Variants in EPB41L4A observed in about 807,000 individuals in gnomAD.
The protein encoded by EPB41L4A is band 4.1-like protein 4A.
EPB41L4A carries 100 observed loss-of-function variants against 108.6 expected under a neutral mutation model. The observed-to-expected ratio is 0.92, with a 90% CI of 0.78 to 1.09. EPB41L4A has a LOEUF of 1.09. EPB41L4A is among the 50% of genes least tolerant of loss of function. The pLI is 0.00. For missense variants in EPB41L4A, 1,030 were observed against 842.7 expected (o/e 1.22, Z -2.75); for synonymous variants, 319 against 289.0 (o/e 1.10, Z -1.05).
chr5:112,205,690 C>G (rs985008004), intron 13 of EPB41L4A, among the ~76,000 whole-genome samples, 186 bp from the exon 14 acceptor site: 1 of 152,106 alleles, frequency 6.6e-6, no homozygotes, highest in African/African-American at 2.4e-5. Flanking sequence ...CAGCAAGTAC[C>G]TTTGGGTCTT....
intron 12 of EPB41L4A, among the ~76,000 whole-genome samples, chr5:112,214,437 A>C (rs1453049804): frequency 6.6e-6 from 1 of 152,250 alleles, no homozygotes; most frequent in African/African-American, 2.4e-5. Flanking sequence ...ACAAATAATC[A>C]TACAGTAAAC....
intron 3 of EPB41L4A, among the ~76,000 whole-genome samples, chr5:112,279,969 CT>C (rs5870491): frequency 0.35 from 52,514 of 151,892 alleles, 9,692 homozygotes; most frequent in African/African-American, 0.47. Flanking sequence ...GTCTATTTGC[CT>C]TTTTTGTTTT....
intron 1 of EPB41L4A, among the ~76,000 whole-genome samples, chr5:112,316,779 T>A (rs1026299068): frequency 6.6e-6 from 1 of 152,160 alleles, no homozygotes; most frequent in Non-Finnish European, 1.5e-5. Flanking sequence ...AGACAGCTGG[T>A]ATCAGCTCCA....
At chr5:112,276,972 G>C (rs1362562675) in intron 3 of EPB41L4A, among the ~76,000 whole-genome samples, 1 of 152,250 alleles carries the variant, frequency 6.6e-6, no homozygotes, top group East Asian at 1.9e-4. Flanking sequence ...TATTGGAGTT[G>C]ATTCCTTATG....
At chr5:112,181,229 A>C (rs551469988) in intron 18 of EPB41L4A, among the ~76,000 whole-genome samples, 1 of 152,182 alleles carries the variant, frequency 6.6e-6, no homozygotes, top group African/African-American at 2.4e-5. Flanking sequence ...AGGCGGGCGG[A>C]TCACGAGGTC....
intron 22 of EPB41L4A, among the ~76,000 whole-genome samples, chr5:112,167,912 A>C (rs1202162051): frequency 6.6e-6 from 1 of 152,234 alleles, no homozygotes; most frequent in Non-Finnish European, 1.5e-5. Context: ...AAAACTGTAC[A>C]TGTGCTTAGA....
intron 1 of EPB41L4A, among the ~76,000 whole-genome samples, chr5:112,414,692 C>G (rs980368639): frequency 6.6e-6 from 1 of 152,160 alleles, no homozygotes; most frequent in African/African-American, 2.4e-5. Flanking sequence ...AATGCTTTCC[C>G]CCTTAAACAG....
At chr5:112,306,826 G>A (rs1754715921) in intron 2 of EPB41L4A, among the ~76,000 whole-genome samples, 1 of 151,892 alleles carries the variant, frequency 6.6e-6, no homozygotes, top group Admixed American at 6.6e-5. Context: ...AAGACCCTCT[G>A]AATTAACCTT....
intron 9 of EPB41L4A, among the ~76,000 whole-genome samples, chr5:112,252,431 C>A (rs912312539): frequency 1.3e-5 from 2 of 151,986 alleles, no homozygotes; most frequent in Non-Finnish European, 2.9e-5. Flanking sequence ...AGGGTAGGGA[C>A]AGGGTTGATA....
chr5:112,175,722 ATGTG>A (rs61692111), intron 18 of EPB41L4A, among the ~76,000 whole-genome samples: 100,719 of 150,908 alleles, frequency 0.67, 34,512 homozygotes, highest in East Asian at 0.99. Context: ...ATCTGAAGAT[ATGTG>A]TGTGTGTGTG....
intron 12 of EPB41L4A, among the ~76,000 whole-genome samples, chr5:112,213,218 T>C (rs1747343798): frequency 6.6e-6 from 1 of 152,208 alleles, no homozygotes; most frequent in African/African-American, 2.4e-5. Context: ...TTTACTAATG[T>C]GACAGTGCTA....
chr5:112,372,775 T>G (rs1330094776), intron 1 of EPB41L4A, among the ~76,000 whole-genome samples: 4 of 152,126 alleles, frequency 2.6e-5, no homozygotes, highest in Non-Finnish European at 5.9e-5. Context: ...CTCACTATGG[T>G]TACTATACAG....
chr5:112,276,343 A>G (rs1039536019), intron 3 of EPB41L4A, among the ~76,000 whole-genome samples: 1 of 152,208 alleles, frequency 6.6e-6, no homozygotes, highest in South Asian at 2.1e-4. Flanking sequence ...AAACACTCAT[A>G]TTGTGCAAGA....
At chr5:112,278,766 A>G (rs1752769134) in intron 3 of EPB41L4A, among the ~76,000 whole-genome samples, 1 of 151,926 alleles carries the variant, frequency 6.6e-6, no homozygotes, top group African/African-American at 2.4e-5. Context: ...TTATTTTAAA[A>G]TAATTGGCTG....
chr5:112,351,031 T>C (rs1758009615), intron 1 of EPB41L4A, among the ~76,000 whole-genome samples: 2 of 152,144 alleles, frequency 1.3e-5, no homozygotes, highest in African/African-American at 4.8e-5. Flanking sequence ...GTTCTATTTT[T>C]AGTCACTTGA....
intron 4 of EPB41L4A, among the ~76,000 whole-genome samples, chr5:112,269,692 G>A (rs910968483): frequency 2.0e-5 from 3 of 152,122 alleles, no homozygotes; most frequent in Non-Finnish European, 4.4e-5. Context: ...AGTGTCAGGA[G>A]TTTGGACAAT....
chr5:112,365,884 G>T (rs377666666), intron 1 of EPB41L4A, among the ~76,000 whole-genome samples: 1 of 152,064 alleles, frequency 6.6e-6, no homozygotes, highest in Non-Finnish European at 1.5e-5. Context: ...AGAAAACATC[G>T]GATTTCAAAA....
intron 9 of EPB41L4A, among the ~76,000 whole-genome samples, chr5:112,241,432 T>C (rs1270116962): frequency 6.6e-6 from 1 of 152,218 alleles, no homozygotes; most frequent in African/African-American, 2.4e-5. Flanking sequence ...AATCCAGTAG[T>C]TATTTGATTC....
intron 18 of EPB41L4A, among the ~76,000 whole-genome samples, chr5:112,176,071 A>G (rs1311204878): frequency 6.6e-6 from 1 of 152,172 alleles, no homozygotes; most frequent in Non-Finnish European, 1.5e-5. Flanking sequence ...AAAAACACAA[A>G]TACCTTGCAG....
Sources: allele counts gnomAD v4.1 joint callset (sites outside exome capture counted in the v4.1 genomes callset), GRCh38; gene constraint gnomAD v4.1.1; transcripts MANE v1.5; gene names NCBI Gene and HGNC (gene_info 2026-07-23, HGNC 2026-07-21).